Variants in ZNF804A observed in about 807,000 individuals in gnomAD.
The protein encoded by ZNF804A is zinc finger protein 804A.
ZNF804A carries 2 observed loss-of-function variants against 16.5 expected under a neutral mutation model. The observed-to-expected ratio is 0.12, with a 90% CI of 0.05 to 0.38. The LOEUF (loss-of-function observed/expected upper bound fraction) is 0.38. Ranked by LOEUF, ZNF804A falls within the 10% of genes least tolerant of loss-of-function variation. The pLI is 0.99. For synonymous variants in ZNF804A, 534 were observed against 489.6 expected (o/e 1.09, Z -1.20); for missense variants, 1,473 against 1,390.7 (o/e 1.06, Z -0.94).
intron 1 of ZNF804A, among the ~76,000 whole-genome samples, chr2:184,826,694 C>T (rs548442336): frequency 4.6e-5 from 7 of 152,124 alleles, no homozygotes; most frequent in African/African-American, 1.7e-4. Context: ...CAGTTGATTA[C>T]TTATTTGAAG....
chr2:184,807,783 C>T (rs990676572), intron 1 of ZNF804A, among the ~76,000 whole-genome samples: 1 of 151,548 alleles, frequency 6.6e-6, no homozygotes, highest in Non-Finnish European at 1.5e-5. Flanking sequence ...TCCAATACAG[C>T]AGTATAGACT....
At chr2:184,653,023 G>A (rs557969501) in intron 1 of ZNF804A, among the ~76,000 whole-genome samples, 19 of 151,852 alleles carry the variant, frequency 1.3e-4, no homozygotes, top group Admixed American at 2.0e-4. Context: ...TCAGCCCTTC[G>A]GAACTGTGAG....
At chr2:184,623,965 G>A (rs985918038) in intron 1 of ZNF804A, among the ~76,000 whole-genome samples, 14 of 152,062 alleles carry the variant, frequency 9.2e-5, no homozygotes, top group African/African-American at 3.4e-4. Context: ...GAATAATATC[G>A]AGAAATCAGT....
At chr2:184,841,857 T>C (rs75027645) in intron 1 of ZNF804A, among the ~76,000 whole-genome samples, 1,771 of 152,232 alleles carry the variant, frequency 0.012, 102 homozygotes, top group Admixed American at 0.087. Flanking sequence ...GGTTAGCAGA[T>C]AGCTCAGCAA....
intron 1 of ZNF804A, among the ~76,000 whole-genome samples, chr2:184,773,853 C>A (rs1213883212): frequency 6.6e-6 from 1 of 151,874 alleles, no homozygotes; most frequent in Non-Finnish European, 1.5e-5. Context: ...AAGCTAGTAT[C>A]AAACAGCAAG....
intron 1 of ZNF804A, among the ~76,000 whole-genome samples, chr2:184,780,214 G>A (rs141466310): frequency 1.8e-4 from 28 of 151,828 alleles, no homozygotes; most frequent in Non-Finnish European, 3.1e-4. Flanking sequence ...TAGTACCAGA[G>A]CGAAAATTTC....
At chr2:184,701,369 C>T (rs1436579856) in intron 1 of ZNF804A, among the ~76,000 whole-genome samples, 1 of 151,902 alleles carries the variant, frequency 6.6e-6, no homozygotes, top group Admixed American at 6.6e-5. Flanking sequence ...GGCCATTCTG[C>T]TAAAATAAAT....
intron 1 of ZNF804A, among the ~76,000 whole-genome samples, chr2:184,768,734 A>C (rs534950530): frequency 6.0e-4 from 92 of 152,200 alleles, no homozygotes; most frequent in Middle Eastern, 6.8e-3. Context: ...ATGTCTTATA[A>C]AACCAAAATA....
chr2:184,798,225 T>C (rs1176861454), intron 1 of ZNF804A, among the ~76,000 whole-genome samples: 2 of 152,086 alleles, frequency 1.3e-5, no homozygotes, highest in Non-Finnish European at 2.9e-5. Flanking sequence ...TAGGTAATGA[T>C]ATTTTTGCAA....
At chr2:184,817,779 GAAT>G (rs1375067550) in intron 1 of ZNF804A, among the ~76,000 whole-genome samples, 1 of 151,936 alleles carries the variant, frequency 6.6e-6, no homozygotes. Context: ...ATCAATACCA[GAAT>G]ACACTGAACA....
In ZNF804A at chr2:184,622,600, G is replaced by A. The variant is rs190521651; in HGVS notation, c.111+23530G>A. 9.2e-5 allele frequency among the ~76,000 whole-genome samples: 14 copies of A among 151,892 alleles called. No individual in the cohort carries two copies. The East Asian group carries it at 2.7e-3, about 29-fold the overall frequency. On this transcript the variant is annotated intron_variant, in intron 1 of 3. Coordinates refer to ENST00000302277, the MANE Select transcript of ZNF804A (RefSeq NM_194250.2). Reference sequence around the variant, plus strand: ...CATATATATACACTTTGGAGTGTATGTATCAGCTTTTTGTCGATTTCAATA... The same window carrying A: ...CATATATATACACTTTGGAGTGTATATATCAGCTTTTTGTCGATTTCAATA...
intron 1 of ZNF804A, among the ~76,000 whole-genome samples, chr2:184,806,750 A>G (rs1367624762): frequency 6.6e-6 from 1 of 151,836 alleles, no homozygotes; most frequent in East Asian, 1.9e-4. Context: ...TTATTTTTAC[A>G]AAAGTACTAA....
intron 1 of ZNF804A, among the ~76,000 whole-genome samples, chr2:184,858,047 G>A (rs74513906): frequency 0.062 from 9,452 of 151,690 alleles, 1,001 homozygotes; most frequent in African/African-American, 0.21. Context: ...TTCTACTCTC[G>A]ATGCCTTCCC....
At chr2:184,794,345 C>A (rs940712798) in intron 1 of ZNF804A, among the ~76,000 whole-genome samples, 4 of 151,872 alleles carry the variant, frequency 2.6e-5, no homozygotes, top group Middle Eastern at 3.4e-3. Flanking sequence ...TTTTTTCATA[C>A]GTTTGTTGGC....
chr2:184,763,440 T>C (rs1452999987), intron 1 of ZNF804A, among the ~76,000 whole-genome samples: 3 of 152,052 alleles, frequency 2.0e-5, no homozygotes, highest in Non-Finnish European at 4.4e-5. Flanking sequence ...TTCTATGAAG[T>C]ATATTTTCTT....
intron 1 of ZNF804A, among the ~76,000 whole-genome samples, chr2:184,689,688 A>G (rs1042058707): frequency 1.3e-5 from 2 of 152,046 alleles, no homozygotes; most frequent in African/African-American, 2.4e-5. Context: ...TTTTTTATAG[A>G]CACAACATTT....
At chr2:184,910,060 G>T (rs1335184378) in intron 2 of ZNF804A, among the ~76,000 whole-genome samples, 1 of 151,710 alleles carries the variant, frequency 6.6e-6, no homozygotes, top group African/African-American at 2.4e-5. Context: ...TGTATATATT[G>T]TTTGATGCTG....
chr2:184,864,875 A>ATTTTTTTTTTTTTT lies in ZNF804A; in HGVS notation c.112-1484_112-1471dup, dbSNP rs34114485. Among the ~76,000 whole-genome samples the ATTTTTTTTTTTTTT allele has an allele frequency of 2.5e-3, 266 of 105,454 alleles. 28 individuals are homozygous for ATTTTTTTTTTTTTT. Among genetic ancestry groups the ATTTTTTTTTTTTTT allele is most frequent in the African/African-American group, 0.011 (251 of 22,112 alleles). The allele number at this position is 105,454 out of a possible 152,430, so 69.2% of individuals were successfully genotyped here. A position where few individuals can be genotyped will look rare whatever the true frequency, so the allele number is the denominator to read the frequency against. ...TAAGAGACTTGAATATATAGTTAGGATTTTTTTTTTTTTTTTTTTTTTTGA... is the reference window on the plus strand; with the variant it reads ...TAAGAGACTTGAATATATAGTTAGGATTTTTTTTTTTTTTTTTTTTTTTTTTTTTTTTTTTTTGA... On this transcript the variant is annotated intron_variant, in intron 1 of 3. Transcript: ENST00000302277.
intron 1 of ZNF804A, among the ~76,000 whole-genome samples, chr2:184,734,070 A>G (rs899674684): frequency 6.6e-6 from 1 of 151,402 alleles, no homozygotes; most frequent in Non-Finnish European, 1.5e-5. Flanking sequence ...TTTTCTATTT[A>G]TGTATTTATT....
Sources: allele counts gnomAD v4.1 joint callset (sites outside exome capture counted in the v4.1 genomes callset), GRCh38; gene constraint gnomAD v4.1.1; transcripts MANE v1.5; gene names NCBI Gene and HGNC (gene_info 2026-07-23, HGNC 2026-07-21).